CADPS2: variants seen among roughly 807,000 people sequenced by gnomAD.
The protein encoded by CADPS2 is calcium dependent secretion activator 2, also known as calcium-dependent secretion activator 2.
Under a neutral mutation model 172.5 loss-of-function variants are expected in CADPS2, and 93 were observed. The observed-to-expected ratio is 0.54, with a 90% CI of 0.46 to 0.64. The LOEUF (loss-of-function observed/expected upper bound fraction) is 0.64, where lower values mean the gene tolerates loss of function less well. Ranked by LOEUF, CADPS2 falls within the 30% of genes least tolerant of loss-of-function variation. The probability of loss-of-function intolerance (pLI) is 0.00; values close to 1 mark genes in which losing one functional copy is unlikely to be tolerated. For synonymous variants in CADPS2, 546 were observed against 555.2 expected (o/e 0.98, Z 0.23); for missense variants, 1,420 against 1,565.9 (o/e 0.91, Z 1.57).
intron 1 of CADPS2, among the ~76,000 whole-genome samples, chr7:122,755,776 ATGTT>A (rs957868070): frequency 2.0e-5 from 3 of 152,032 alleles, no homozygotes; most frequent in Non-Finnish European, 2.9e-5. Context: ...AACAAGGCCT[ATGTT>A]TGTGTTCTAT....
intron 14 of CADPS2, among the ~76,000 whole-genome samples, chr7:122,470,829 C>G (rs1254504620): frequency 1.3e-5 from 2 of 152,096 alleles, no homozygotes; most frequent in Non-Finnish European, 2.9e-5. Flanking sequence ...CAGAGATAGA[C>G]AACTGTGGAG....
At chr7:122,611,429 C>T (rs527926830) in intron 6 of CADPS2, among the ~76,000 whole-genome samples, 27 of 152,006 alleles carry the variant, frequency 1.8e-4, no homozygotes, top group African/African-American at 6.5e-4. Context: ...AAATGTGTAA[C>T]AATAAATTAG....
At chr7:122,398,259 GAC>G (rs1198132868) in intron 20 of CADPS2, among the ~76,000 whole-genome samples, 10 of 152,084 alleles carry the variant, frequency 6.6e-5, no homozygotes, top group African/African-American at 2.4e-4. Context: ...CAATTACTGA[GAC>G]AATAATCACT....
chr7:122,495,546 C>A (rs1254272009), intron 9 of CADPS2, among the ~76,000 whole-genome samples: 1 of 152,158 alleles, frequency 6.6e-6, no homozygotes, highest in Non-Finnish European at 1.5e-5. Flanking sequence ...CACACTTTAA[C>A]CACTATCCTA....
chr7:122,646,635 C>T (rs987161392), intron 3 of CADPS2, among the ~76,000 whole-genome samples: 6 of 152,078 alleles, frequency 3.9e-5, no homozygotes, highest in Non-Finnish European at 7.4e-5. Flanking sequence ...TATAAAGAAT[C>T]GTTACATGAG....
intron 8 of CADPS2, among the ~76,000 whole-genome samples, chr7:122,553,052 T>C (rs2064524150): frequency 6.6e-6 from 1 of 152,120 alleles, no homozygotes; most frequent in African/African-American, 2.4e-5. Context: ...TCTCCCACTG[T>C]CTACCTGATA....
intron 4 of CADPS2, among the ~76,000 whole-genome samples, chr7:122,628,209 C>T (rs1486045532): frequency 1.3e-5 from 2 of 152,040 alleles, no homozygotes; most frequent in Non-Finnish European, 2.9e-5. Flanking sequence ...TTTTAATAAA[C>T]ACTTAAACAG....
rs79659934 is a variant in CADPS2 at position 122,356,356 on chromosome 7, T to G, written c.3504+4432A>C. Among the ~76,000 whole-genome samples the G allele has an allele frequency of 6.5e-3, 984 of 152,322 alleles. 30 individuals are homozygous for G. The highest frequency in any genetic ancestry group is 0.047 in the East Asian group (242 of 5,184). ...TTACAAGATTTTTAGAGGAAGACCA[T>G]AGAGGTAAAGTGCCATTTTCATCAC... On this transcript the variant is annotated intron_variant, in intron 27 of 29. Coordinates refer to ENST00000449022, the MANE Select transcript of CADPS2 (RefSeq NM_017954.11).
At position 122,724,251 on chromosome 7, in the gene CADPS2, G is replaced by A. The variant is rs752550856; in HGVS notation, c.453+12704C>T. The stretch of plus-strand genomic sequence containing the variant: ...TCTCCCAGTAGACTGTGGGCTCATG[G>A]AAGTCAGGGACCTTGCCTTGTTCAT... On this transcript the variant is annotated intron_variant, in intron 2 of 29. Transcript: ENST00000449022. Among the ~76,000 whole-genome samples, 96 of 152,014 alleles carry A rather than the reference G, an allele frequency of 6.3e-4. 1 individual carries two copies. The highest frequency in any genetic ancestry group is 3.8e-3 in the South Asian group (18 of 4,788).
chr7:122,472,181 A>C lies in CADPS2; in HGVS notation c.1999-619T>G, dbSNP rs570146110. ...ACAGCAGGCAGTTGATGCGGCTAAAACTGGAGGACAGGTTAGGTGGAGCTG... is the reference window on the plus strand; with the variant it reads ...ACAGCAGGCAGTTGATGCGGCTAAACCTGGAGGACAGGTTAGGTGGAGCTG... On this transcript the variant is annotated intron_variant, in intron 13 of 29. Transcript: ENST00000449022. Among the ~76,000 whole-genome samples the C allele has an allele frequency of 4.6e-5, 7 of 152,302 alleles. No individual in the cohort carries two copies. The East Asian group carries it at 1.4e-3, about 29-fold the overall frequency.
chr7:122,447,687 G>A (rs986525471), intron 15 of CADPS2, among the ~76,000 whole-genome samples: 13 of 150,488 alleles, frequency 8.6e-5, no homozygotes, highest in African/African-American at 2.2e-4. Context: ...CCAAGTAACC[G>A]GGACTACAGG....
At chr7:122,804,108 T>C (rs1378629405) in intron 1 of CADPS2, among the ~76,000 whole-genome samples, 1 of 152,168 alleles carries the variant, frequency 6.6e-6, no homozygotes, top group African/African-American at 2.4e-5. Flanking sequence ...CTCTGGTTCC[T>C]GACTGACCTG....
At position 122,518,092 on chromosome 7, in the gene CADPS2, A is replaced by G. The variant is rs184863601; in HGVS notation, c.1476-4777T>C. 2.0e-5 allele frequency among the ~76,000 whole-genome samples: 3 copies of G among 152,096 alleles called. No individual in the cohort carries two copies. In the East Asian group the frequency reaches 5.8e-4, roughly 29 times the overall value. ...AACCTGATATTATGCTCCACTAGGC[A>G]ATAGATTTTGTTCATTACATTTACA... On this transcript the variant is annotated intron_variant, in intron 8 of 29. Coordinates refer to ENST00000449022, the MANE Select transcript of CADPS2 (RefSeq NM_017954.11).
chr7:122,673,254 G>C (rs183926041), intron 2 of CADPS2, among the ~76,000 whole-genome samples: 1 of 152,220 alleles, frequency 6.6e-6, no homozygotes, highest in South Asian at 2.1e-4. Flanking sequence ...GCCGGTTGCC[G>C]CAGCTGGCTC....
At chr7:122,364,036 C>T (rs916443373) in intron 25 of CADPS2, among the ~76,000 whole-genome samples, 1 of 152,070 alleles carries the variant, frequency 6.6e-6, no homozygotes, top group Admixed American at 6.5e-5. Flanking sequence ...TGGTCTTGAT[C>T]CAAAGCCCAT....
intron 10 of CADPS2, among the ~76,000 whole-genome samples, chr7:122,490,763 T>C (rs1345124887): frequency 6.6e-6 from 1 of 152,186 alleles, no homozygotes; most frequent in African/African-American, 2.4e-5. Flanking sequence ...GTCATAAATT[T>C]CTATTTCTTA....
chr7:122,715,451 G>C (rs2089454499), intron 2 of CADPS2, among the ~76,000 whole-genome samples: 1 of 152,182 alleles, frequency 6.6e-6, no homozygotes, highest in Non-Finnish European at 1.5e-5. Context: ...TTTTATAACT[G>C]ACACAGGATT....
chr7:122,702,522 G>A (rs772012437), intron 2 of CADPS2: 9 of 1,613,598 alleles, frequency 5.6e-6, no homozygotes, highest in East Asian at 2.2e-5. Context: ...CCTTCAGGAA[G>A]TGCCACCACA....
chr7:122,876,673 TA>T (rs1821301872), intron 1 of CADPS2, among the ~76,000 whole-genome samples: 1 of 152,116 alleles, frequency 6.6e-6, no homozygotes, highest in South Asian at 2.1e-4. Context: ...ATTTTATATA[TA>T]TACATGTATA....
Sources: gnomAD v4.1 joint callset for allele counts (sites outside exome capture counted in the v4.1 genomes callset) on GRCh38, gnomAD v4.1.1 for gene constraint, MANE v1.5 for transcripts, NCBI Gene and HGNC (gene_info 2026-07-23, HGNC 2026-07-21) for gene names.